The following CHMP4A variants were observed in gnomAD, a reference collection of about 807,000 sequenced individuals.
CHMP4A encodes the protein charged multivesicular body protein 4A.
In CHMP4A, 29 loss-of-function variants were observed where a neutral mutation model predicts 28.2. The ratio of observed to expected loss-of-function variants is 1.03; its 90% CI spans 0.77 to 1.40. The LOEUF (loss-of-function observed/expected upper bound fraction) is 1.40. Ranked by LOEUF, CHMP4A falls within the 40% of genes most tolerant of loss-of-function variation. The probability of loss-of-function intolerance (pLI) is 0.00; values close to 1 mark genes in which losing one functional copy is unlikely to be tolerated. For synonymous variants in CHMP4A, 88 were observed against 99.3 expected (o/e 0.89, Z 0.67); for missense variants, 241 against 263.5 (o/e 0.91, Z 0.59).
chr14:24,210,511 G>C, intron 4 of CHMP4A, 28 bp from the exon 5 acceptor site: 1 of 1,603,204 alleles, frequency 6.2e-7, no homozygotes, highest in Non-Finnish European at 8.5e-7. Flanking sequence ...GACCACTTTA[G>C]ATGAAGAAAA....
At position 24,210,330 on chromosome 14, in the gene CHMP4A, C is replaced by T. The variant is rs1256105633; in HGVS notation, c.610+18G>A. ...CCACCCTCTTAAGTCCTCAAGACAA[C>T]AGAACAACCCTGCATACCTGGCCCT... is the stretch of plus-strand genomic sequence containing the variant. On this transcript the variant is annotated intron_variant, in intron 5 of 5. Transcript: ENST00000347519. 1 of 1,611,802 alleles carries T rather than the reference C, an allele frequency of 6.2e-7. No homozygotes were observed. The highest frequency in any genetic ancestry group is 1.3e-5 in the African/African-American group (1 of 74,778).
chr14:24,209,836 G>A lies in CHMP4A; in HGVS notation c.*41C>T. 1 of 1,587,698 alleles carries A rather than the reference G, an allele frequency of 6.3e-7. No homozygotes were observed. The highest frequency in any genetic ancestry group is 8.7e-7 in the Non-Finnish European group (1 of 1,156,060). On this transcript the variant is annotated 3_prime_UTR_variant, in exon 6 of 6. Transcript: ENST00000347519. The stretch of plus-strand genomic sequence containing the variant: ...CAGCACTTGGCACTTAAGGAAGAAA[G>A]GACCAACAAAGGTAGCATTAGGAAG...
At chr14:24,210,324 A>C in intron 5 of CHMP4A, 24 bp downstream of exon 5, 2 of 1,611,424 alleles carry the variant, frequency 1.2e-6, no homozygotes, top group Non-Finnish European at 1.7e-6. Flanking sequence ...TAAGTCCTCA[A>C]GACAACAGAA....
chr14:24,213,128 C>T (rs1402396438), intron 1 of CHMP4A: 1 of 463,186 alleles, frequency 2.2e-6, no homozygotes, highest in Non-Finnish European at 3.8e-6. Flanking sequence ...GGAGTCAGCA[C>T]GATCGCCACG....
intron 3 of CHMP4A, 89 bp from the exon 4 acceptor site, chr14:24,210,857 A>C (rs2039585654): frequency 1.6e-5 from 15 of 919,832 alleles, no homozygotes; most frequent in South Asian, 1.2e-4. Context: ...CCTGCCTTGC[A>C]GGGTCACACT....
intron 5 of CHMP4A, 47 bp downstream of exon 5, chr14:24,210,301 T>C: frequency 6.3e-7 from 1 of 1,590,144 alleles, no homozygotes; most frequent in Non-Finnish European, 8.6e-7. Context: ...TCCCCATATC[T>C]CTCCCACCCT....
intron 5 of CHMP4A, 149 bp downstream of exon 5, chr14:24,210,198 TG>T: frequency 9.5e-7 from 1 of 1,048,656 alleles, no homozygotes; most frequent in Non-Finnish European, 1.4e-6. Flanking sequence ...ACAGGCTAGG[TG>T]GGTGCCTATA....
rs534511022 is a variant in CHMP4A, at chr14:24,211,482, T to C, written c.292A>G (p.Thr98Ala). The change falls in exon 3 of 6, where the codon ACC becomes GCC. Residue 98 changes from threonine to alanine, a missense_variant. Coordinates refer to ENST00000347519, the MANE Select transcript of CHMP4A (RefSeq NM_014169.5). ...FQREAIENAT[T>A]NAEVLRTMEL... ...ATGGTACGAAGGACTTCTGCATTGG[T>C]AGTGGCATTCTCAATGGCCTCACGC... The C allele has an allele frequency of 6.8e-6, 11 of 1,614,056 alleles. No homozygotes were observed. The East Asian group carries it at 2.5e-4, about 36-fold the overall frequency.
intron 1 of CHMP4A, 150 bp downstream of exon 1, chr14:24,213,259 T>A: frequency 1.0e-6 from 1 of 964,338 alleles, no homozygotes; most frequent in Non-Finnish European, 1.4e-6. Flanking sequence ...TGAGCCTTGC[T>A]CCGCCATCGG....
At chr14:24,210,542 A>ATAC in intron 4 of CHMP4A, 59 bp from the exon 5 acceptor site, 1 of 1,601,814 alleles carries the variant, frequency 6.2e-7, no homozygotes, top group Non-Finnish European at 8.5e-7. Flanking sequence ...CTCCAAAAAC[A>ATAC]TACCACTTTT....
Position 24,209,885 on chromosome 14 carries a change from C to T in CHMP4A, c.661G>A (p.Val221Ile). The T allele has an allele frequency of 1.2e-6, 2 of 1,613,880 alleles. No individual in the cohort carries two copies. The highest frequency in any genetic ancestry group is 1.7e-6 in the Non-Finnish European group (2 of 1,179,774). ...AGACAAGCCCAGATTTATCAGGATA[C>T]CCACTCAGCCAACTGCTTTAGTGCT... is the stretch of plus-strand genomic sequence containing the variant. ...EEALKQLAEW[V>I]S Residue 221 changes from valine to isoleucine, a missense_variant, in exon 6 of 6, where the codon GTA (valine) becomes ATA (isoleucine). By Grantham distance (29) the Val-to-Ile change is conservative (BLOSUM62 3). Transcript: ENST00000347519.
chr14:24,211,584 G>A lies in CHMP4A; in HGVS notation c.190C>T (p.Gln64Ter). The change falls in exon 3 of 6, where the codon CAG becomes TAG. Residue 64 changes from glutamine (Q) to a stop codon, truncating the protein, a stop_gained. Transcript: ENST00000347519. LOFTEE classifies it high-confidence loss of function. ...AATCTTTTCTTCCTCCGCAAAGCCT[G>A]TAGGGCAGCTGACCCAGCCCATACC... is the stretch of plus-strand genomic sequence containing the variant. ...YGTKNKRAALQALRRKKRFEQ... is the reference protein window; with the variant it reads ...YGTKNKRAAL 6.2e-7 allele frequency: 1 copy of A among 1,612,328 alleles called. No individual in the cohort carries two copies. The highest frequency in any genetic ancestry group is 8.5e-7 in the Non-Finnish European group (1 of 1,178,404).
intron 1 of CHMP4A, among the ~76,000 whole-genome samples, chr14:24,212,389 C>G (rs975636493): frequency 6.6e-6 from 1 of 151,752 alleles, no homozygotes; most frequent in Non-Finnish European, 1.5e-5. Context: ...GCCACCGCGC[C>G]AGGACTTCTT....
intron 1 of CHMP4A, chr14:24,212,721 A>AT (rs2039606336): frequency 3.8e-5 from 5 of 131,814 alleles, no homozygotes; most frequent in South Asian, 1.1e-4. Flanking sequence ...ACAACCAGCT[A>AT]ATTTTTTTTT....
chr14:24,213,109 TG>T (rs1229661936), intron 1 of CHMP4A: 1 of 425,294 alleles, frequency 2.4e-6, no homozygotes, highest in Non-Finnish European at 4.2e-6. Context: ...TCTTCAAGCC[TG>T]AACAGTGGGA....
Position 24,211,428 on chromosome 14 carries a change from C to A in CHMP4A, c.346G>T (p.Ala116Ser), listed in dbSNP as rs1173258513. ...CCCCGTACCCACATGTCCTGGTAGGCCTTCTTCATGCTTTGGGCAGCAAGC... is the reference window on the plus strand; with the variant it reads ...CCCCGTACCCACATGTCCTGGTAGGACTTCTTCATGCTTTGGGCAGCAAGC... The part of the protein sequence containing the change: ...MELAAQSMKK[A>S]YQDMDIDKVD... Residue 116 changes from alanine (A) to serine (S), a missense_variant, in exon 3 of 6, where the codon GCC becomes TCC. Physicochemically the swap from Ala to Ser is moderately conservative, Grantham distance 99 (BLOSUM62 1). Coordinates refer to ENST00000347519, the MANE Select transcript of CHMP4A (RefSeq NM_014169.5). 2 of 1,607,346 alleles carry A rather than the reference C, an allele frequency of 1.2e-6. No homozygotes were observed. Among genetic ancestry groups the A allele is most frequent in the Non-Finnish European group, 1.7e-6 (2 of 1,174,464 alleles).
chr14:24,211,266 T>C, intron 3 of CHMP4A, 149 bp downstream of exon 3: 1 of 663,024 alleles, frequency 1.5e-6, no homozygotes. Flanking sequence ...CGAAAGAATT[T>C]TATAGGAAGC....
At chr14:24,210,214 G>T in intron 5 of CHMP4A, 134 bp downstream of exon 5, 1 of 1,272,990 alleles carries the variant, frequency 7.9e-7, no homozygotes, top group Non-Finnish European at 1.1e-6. Flanking sequence ...CCTATATGCA[G>T]TCAACAACCT....
intron 3 of CHMP4A, 88 bp downstream of exon 3, chr14:24,211,327 C>T (rs539101924): frequency 1.7e-6 from 2 of 1,191,400 alleles, no homozygotes; most frequent in East Asian, 2.6e-5. Context: ...TGCAAATTCA[C>T]ATTCTGAGAG....
Sources: gnomAD v4.1 joint callset for allele counts (sites outside exome capture counted in the v4.1 genomes callset) on GRCh38, gnomAD v4.1.1 for gene constraint, MANE v1.5 for transcripts, NCBI Gene and HGNC (gene_info 2026-07-23, HGNC 2026-07-21) for gene names.